Variants in CHD6 observed in about 807,000 individuals in gnomAD.
The protein encoded by CHD6 is ATP-dependent chromatin remodeler CHD6.
CHD6 carries 50 observed loss-of-function variants against 276.9 expected under a neutral mutation model. The ratio of observed to expected loss-of-function variants is 0.18; its 90% CI spans 0.14 to 0.23. The LOEUF (loss-of-function observed/expected upper bound fraction) is 0.23. Ranked by LOEUF, CHD6 falls within the 10% of genes least tolerant of loss-of-function variation. The pLI is 1.00. For missense variants in CHD6, 2,564 were observed against 3,365.8 expected, an observed-to-expected ratio of 0.76 and a Z score of 5.89; for synonymous variants, 1,173 against 1,229.3, an observed-to-expected ratio of 0.95 and a Z score of 0.96.
intron 36 of CHD6, among the ~76,000 whole-genome samples, chr20:41,408,904 C>T (rs1187053558): frequency 1.3e-5 from 2 of 152,214 alleles, no homozygotes; most frequent in Non-Finnish European, 2.9e-5. Context: ...CCAGACTATG[C>T]CCCAGAGGAC....
rs573638679 is a variant in CHD6 at position 41,597,565 on chromosome 20, T to C, written c.-24+20775A>G. Among the ~76,000 whole-genome samples, 35 of 152,206 alleles carry C rather than the reference T, an allele frequency of 2.3e-4. No individual in the cohort carries two copies. The South Asian group carries it at 5.2e-3, about 23-fold the overall frequency. ...CACCTGGGAAGGACCCCTTATCTAGTGCTCCTAACGACTGAAACAGCAGTC... is the reference window on the plus strand; with the variant it reads ...CACCTGGGAAGGACCCCTTATCTAGCGCTCCTAACGACTGAAACAGCAGTC... On this transcript the variant is annotated intron_variant, in intron 1 of 36. Transcript: ENST00000373233.
chr20:41,405,499 CA>C lies in CHD6; in HGVS notation c.7252-11del. The C allele has an allele frequency of 6.5e-7, 1 of 1,537,910 alleles. No homozygotes were observed. The highest frequency in any genetic ancestry group is 8.7e-7 in the Non-Finnish European group (1 of 1,143,788). ...TTTCTGGAAGAAACCCCTGGAAAAA[CA>C]AAGAAACACAAAATGCTGAAGGCAA... On this transcript the variant is annotated splice_polypyrimidine_tract_variant and intron_variant, in intron 36 of 36. Transcript: ENST00000373233.
chr20:41,439,637 TTC>T (rs1181563769), intron 26 of CHD6, among the ~76,000 whole-genome samples: 2 of 152,200 alleles, frequency 1.3e-5, no homozygotes, highest in East Asian at 3.9e-4. Context: ...CTGTACTTGT[TTC>T]TGTTCTTAGC....
chr20:41,582,009 A>G (rs952515743), intron 1 of CHD6, among the ~76,000 whole-genome samples: 2 of 152,204 alleles, frequency 1.3e-5, no homozygotes, highest in South Asian at 2.1e-4. Flanking sequence ...ACTTGAGTGC[A>G]TTTTTAAGAT....
chr20:41,583,554 A>G (rs1382698938), intron 1 of CHD6, among the ~76,000 whole-genome samples: 2 of 152,240 alleles, frequency 1.3e-5, no homozygotes, highest in African/African-American at 4.8e-5. Flanking sequence ...GGTATATGAC[A>G]CTGAACAAAA....
At chr20:41,428,727 A>C (rs2145518876) in intron 27 of CHD6, among the ~76,000 whole-genome samples, 1 of 152,366 alleles carries the variant, frequency 6.6e-6, no homozygotes, top group East Asian at 1.9e-4. Context: ...CAAGGATTTT[A>C]TTATGGAAAG....
intron 1 of CHD6, among the ~76,000 whole-genome samples, chr20:41,616,800 G>A (rs1460487676): frequency 6.6e-6 from 1 of 152,070 alleles, no homozygotes; most frequent in Non-Finnish European, 1.5e-5. Flanking sequence ...TTGCCAGAGA[G>A]CCATAAAGTT....
intron 4 of CHD6, 72 bp from the exon 5 acceptor site, chr20:41,513,067 T>A (rs972474374): frequency 1.3e-6 from 2 of 1,525,940 alleles, no homozygotes; most frequent in Non-Finnish European, 9.0e-7. Context: ...AATACCCTCA[T>A]CTACATTTAC....
At chr20:41,510,154 G>T (rs1475240787) in intron 5 of CHD6, among the ~76,000 whole-genome samples, 2 of 152,154 alleles carry the variant, frequency 1.3e-5, no homozygotes, top group Admixed American at 1.3e-4. Flanking sequence ...AAGGATATAG[G>T]AAAAAGCCAC....
intron 17 of CHD6, among the ~76,000 whole-genome samples, chr20:41,471,510 C>G (rs916001669): frequency 4.0e-5 from 6 of 151,212 alleles, no homozygotes; most frequent in Middle Eastern, 6.3e-3. Context: ...ACATAGTTTA[C>G]TTTATGATGT....
At chr20:41,532,661 C>A (rs1055556601) in intron 3 of CHD6, among the ~76,000 whole-genome samples, 2 of 152,122 alleles carry the variant, frequency 1.3e-5, no homozygotes, top group Non-Finnish European at 2.9e-5. Flanking sequence ...TGGCTGAAAG[C>A]TAATATAGAC....
intron 29 of CHD6, among the ~76,000 whole-genome samples, chr20:41,424,439 T>C (rs1220617439): frequency 1.3e-5 from 2 of 152,152 alleles, no homozygotes; most frequent in Non-Finnish European, 2.9e-5. Flanking sequence ...GGTGAGGGGT[T>C]AGAGAAAGAG....
chr20:41,540,291 T>A (rs1481643136), intron 2 of CHD6, among the ~76,000 whole-genome samples: 1 of 152,182 alleles, frequency 6.6e-6, no homozygotes, highest in African/African-American at 2.4e-5. Flanking sequence ...TAAATATCTG[T>A]GCATAGAACA....
chr20:41,514,760 T>C (rs1238032638), intron 4 of CHD6, 45 bp downstream of exon 4: 27 of 1,604,846 alleles, frequency 1.7e-5, no homozygotes, highest in Non-Finnish European at 2.3e-5. Flanking sequence ...CCAGATCCCA[T>C]CCAGGAGCCG....
At chr20:41,601,315 G>A (rs776100177) in intron 1 of CHD6, among the ~76,000 whole-genome samples, 38 of 152,192 alleles carry the variant, frequency 2.5e-4, no homozygotes, top group Non-Finnish European at 5.4e-4. Flanking sequence ...GTCTGTTGAA[G>A]TGACTTGAAA....
Position 41,417,358 on chromosome 20 carries a change from A to G in CHD6, c.6128-9T>C, listed in dbSNP as rs370579476. On this transcript the variant is annotated splice_polypyrimidine_tract_variant and intron_variant, in intron 31 of 36. Transcript: ENST00000373233. ...GTACTTCCCTGGATAATCTGGGAAG[A>G]GGTTAAAAAATTAATCAGGCACTTA... is the stretch of plus-strand genomic sequence containing the variant. 2.7e-5 allele frequency: 43 copies of G among 1,608,634 alleles called. No homozygotes were observed. The highest frequency in any genetic ancestry group is 5.1e-5 in the Admixed American group (3 of 58,554).
Position 41,488,239 on chromosome 20 carries a change from C to T in CHD6, c.1857+189G>A, listed in dbSNP as rs565942608. 2.0e-5 allele frequency among the ~76,000 whole-genome samples: 3 copies of T among 152,294 alleles called. No homozygotes were observed. In the South Asian group the frequency reaches 6.2e-4, roughly 32 times the overall value. ...ATGGAAATCAATCTGTGGCAAAGGT[C>T]AAATTGTTGACCCAGTTTGTAACCA... On this transcript the variant is annotated intron_variant, in intron 13 of 36. Transcript: ENST00000373233.
chr20:41,419,554 C>CAAAAAA lies in CHD6; in HGVS notation c.6127+948_6127+953dup, dbSNP rs58696183. 3.8e-4 allele frequency among the ~76,000 whole-genome samples: 9 copies of CAAAAAA among 23,468 alleles called. 3 individuals are homozygous for CAAAAAA. Among genetic ancestry groups the CAAAAAA allele is most frequent in the Non-Finnish European group, 5.1e-4 (7 of 13,636 alleles). 15.4% of individuals were successfully genotyped at this position (23,468 alleles called of 152,430 possible). On this transcript the variant is annotated intron_variant, in intron 31 of 36. Transcript: ENST00000373233. The stretch of plus-strand genomic sequence containing the variant: ...TGGGTGACAGAGCAAGACTCTGTCT[C>CAAAAAA]AAAAAAAAAAAAAAAAAAAAAAAAA...
At chr20:41,524,807 T>C (rs919195721) in intron 3 of CHD6, among the ~76,000 whole-genome samples, 4 of 152,228 alleles carry the variant, frequency 2.6e-5, no homozygotes, top group African/African-American at 9.6e-5. Flanking sequence ...TAAATTTTCA[T>C]TAATTCTTTG....
Sources: gnomAD v4.1 joint callset for allele counts (sites outside exome capture counted in the v4.1 genomes callset) on GRCh38, gnomAD v4.1.1 for gene constraint, MANE v1.5 for transcripts, NCBI Gene and HGNC (gene_info 2026-07-23, HGNC 2026-07-21) for gene names.